LINGO2: variants seen among roughly 807,000 people sequenced by gnomAD.
The protein encoded by LINGO2 is leucine-rich repeat and immunoglobulin-like domain-containing nogo receptor-interacting protein 2.
LINGO2 carries 14 observed loss-of-function variants against 30.6 expected under a neutral mutation model. The ratio of observed to expected loss-of-function variants is 0.46; its 90% confidence interval spans 0.30 to 0.72. LINGO2 has a LOEUF of 0.72. Among genes scored for constraint, LINGO2 ranks in the 30% least tolerant of loss-of-function variants. The pLI, the probability that LINGO2 is intolerant of heterozygous loss-of-function variation, is 0.07. For synonymous variants in LINGO2, 317 were observed against 288.5 expected (o/e 1.10, Z -1.00); for missense variants, 729 against 751.7 (o/e 0.97, Z 0.35).
At chr9:29,134,307 T>G in the LINGO2 span, among the ~76,000 whole-genome samples, 2 of 152,172 alleles carry the variant, frequency 1.3e-5, no homozygotes, top group Admixed American at 6.6e-5. Context: ...TAACTGGAGC[T>G]GTCCTTGTCA....
chr9:28,078,584 C>T (rs1825689708), intron 4 of LINGO2, among the ~76,000 whole-genome samples: 1 of 148,536 alleles, frequency 6.7e-6, no homozygotes, highest in African/African-American at 2.6e-5. Flanking sequence ...GGCGTGGTGG[C>T]TCATGCCCGT....
At chr9:28,589,197 C>G (rs911643376) in intron 1 of LINGO2, among the ~76,000 whole-genome samples, 64 of 152,074 alleles carry the variant, frequency 4.2e-4, no homozygotes, top group African/African-American at 1.5e-3. Flanking sequence ...CAATATCATA[C>G]TGAATGGACA....
the LINGO2 span, among the ~76,000 whole-genome samples, chr9:28,703,143 T>G: frequency 3.3e-5 from 5 of 151,974 alleles, no homozygotes; most frequent in East Asian, 5.8e-4. Context: ...ATTTTTTGTT[T>G]CTTTTCTTCT....
chr9:29,075,739 G>A, the LINGO2 span, among the ~76,000 whole-genome samples: 1 of 152,128 alleles, frequency 6.6e-6, no homozygotes, highest in Non-Finnish European at 1.5e-5. Flanking sequence ...TAAGGGCACT[G>A]AGTTAGCAAA....
rs556743242 is a variant in LINGO2 at position 28,023,018 on chromosome 9, TTCTC to T, written c.-86-10617_-86-10614del. Among the ~76,000 whole-genome samples, 287 of 152,258 alleles carry T rather than the reference TTCTC, an allele frequency of 1.9e-3. 2 individuals carry two copies. Among genetic ancestry groups the T allele is most frequent in the Middle Eastern group, 0.014 (4 of 294 alleles). On this transcript the variant is annotated intron_variant, in intron 4 of 5. Transcript: ENST00000379992. ...TTTTTATTTCTAGCATTTTGATTCT[TTCTC>T]AGAGTTTTCCATATCTCTGATTATA... is the stretch of plus-strand genomic sequence containing the variant.
At chr9:29,212,794 G>C in the LINGO2 span, among the ~76,000 whole-genome samples, 1 of 152,276 alleles carries the variant, frequency 6.6e-6, no homozygotes, top group East Asian at 1.9e-4. Flanking sequence ...CTTGCCAGGC[G>C]GGTCGTGCGA....
chr9:27,937,823 C>T, the LINGO2 span: 5 of 151,982 alleles, frequency 3.3e-5, no homozygotes, highest in East Asian at 7.8e-4. Context: ...AAAAATGGCC[C>T]TCTAAGAAAA....
At chr9:28,881,880 C>T in the LINGO2 span, among the ~76,000 whole-genome samples, 12 of 152,288 alleles carry the variant, frequency 7.9e-5, no homozygotes, top group South Asian at 2.1e-3. Context: ...ATTTAGCTTC[C>T]GCTTATAAGC....
At chr9:29,213,252 A>C in the LINGO2 span, among the ~76,000 whole-genome samples, 16,552 of 152,132 alleles carry the variant, frequency 0.11, 1,110 homozygotes, top group Non-Finnish European at 0.14. Context: ...GGATATTCTC[A>C]GTTGCGGCCG....
At chr9:28,020,422 A>T (rs1490689891) in intron 4 of LINGO2, among the ~76,000 whole-genome samples, 3 of 152,090 alleles carry the variant, frequency 2.0e-5, no homozygotes, top group African/African-American at 7.2e-5. Flanking sequence ...CCAGCTACTC[A>T]GGAGGCTGAG....
rs934907260 is a variant in LINGO2 at position 28,650,355 on chromosome 9, A to G, written c.-365+19845T>C. Among the ~76,000 whole-genome samples, 11 of 152,248 alleles carry G rather than the reference A, an allele frequency of 7.2e-5. No homozygotes were observed. The East Asian group carries it at 1.9e-3, about 27-fold the overall frequency. On this transcript the variant is annotated intron_variant, in intron 1 of 5. Coordinates refer to ENST00000379992, the Ensembl canonical transcript of LINGO2. Reference sequence around the variant, plus strand: ...AGCTCAGCCACAGTATTTGCAGATTAGTGCCCAAATCTCCAAATTCGCAAA... The same window carrying G: ...AGCTCAGCCACAGTATTTGCAGATTGGTGCCCAAATCTCCAAATTCGCAAA...
chr9:28,348,446 T>TA (rs1482211516), intron 3 of LINGO2, among the ~76,000 whole-genome samples: 6 of 152,104 alleles, frequency 3.9e-5, no homozygotes, highest in Non-Finnish European at 7.4e-5. Context: ...CTGACAGGCT[T>TA]AAAAAACGGC....
chr9:29,114,380 TTTATTATTATTA>T, the LINGO2 span, among the ~76,000 whole-genome samples: 191 of 143,314 alleles, frequency 1.3e-3, 1 homozygote, highest in South Asian at 0.016. Flanking sequence ...ATTTTTTTCT[TTTATTATTATTA>T]TTATTATTAT....
the LINGO2 span, among the ~76,000 whole-genome samples, chr9:29,075,718 C>T: frequency 6.6e-6 from 1 of 151,900 alleles, no homozygotes; most frequent in Non-Finnish European, 1.5e-5. Context: ...TTCGAAGAGA[C>T]AAGGGCCATA....
intron 4 of LINGO2, among the ~76,000 whole-genome samples, chr9:28,242,468 C>T (rs1186860359): frequency 6.6e-6 from 1 of 151,830 alleles, no homozygotes; most frequent in African/African-American, 2.4e-5. Flanking sequence ...GAAATATGGG[C>T]CTATGTAAAA....
At chr9:29,029,373 C>G in the LINGO2 span, among the ~76,000 whole-genome samples, 1 of 152,102 alleles carries the variant, frequency 6.6e-6, no homozygotes, top group African/African-American at 2.4e-5. Flanking sequence ...ATAATTGATG[C>G]TGGTGCACAG....
At chr9:28,987,035 C>A in the LINGO2 span, among the ~76,000 whole-genome samples, 3 of 144,840 alleles carry the variant, frequency 2.1e-5, no homozygotes, top group Non-Finnish European at 4.5e-5. Context: ...ACTTTGTATC[C>A]TGTAATATTA....
chr9:28,355,557 AAGG>A (rs1452320798), intron 3 of LINGO2, among the ~76,000 whole-genome samples: 1 of 152,040 alleles, frequency 6.6e-6, no homozygotes, highest in East Asian at 1.9e-4. Flanking sequence ...AAGCTTTCTC[AAGG>A]AGAACAAGTG....
chr9:28,171,831 AC>A (rs2133659675), intron 4 of LINGO2, among the ~76,000 whole-genome samples: 2 of 145,610 alleles, frequency 1.4e-5, no homozygotes, highest in South Asian at 4.4e-4. Flanking sequence ...ACACGGTGAA[AC>A]CCCGTCTCTA....
Sources: gnomAD v4.1 joint callset for allele counts (sites outside exome capture counted in the v4.1 genomes callset) on GRCh38, gnomAD v4.1.1 for gene constraint, MANE v1.5 for transcripts, NCBI Gene and HGNC (gene_info 2026-07-23, HGNC 2026-07-21) for gene names.